Variants in TRDN observed in about 807,000 individuals in gnomAD.
TRDN encodes triadin.
Under a neutral mutation model 149.7 loss-of-function variants are expected in TRDN, and 161 were observed. The ratio of observed to expected loss-of-function variants is 1.08; its 90% CI spans 0.95 to 1.23. The LOEUF is 1.23. Ranked by LOEUF, TRDN falls within the 50% of genes most tolerant of loss-of-function variation. The pLI is 0.00. For missense variants in TRDN, 896 were observed against 823.5 expected (o/e 1.09, Z -1.08); for synonymous variants, 294 against 250.5 (o/e 1.17, Z -1.64).
At chr6:123,344,537 T>G (rs1222778219) in intron 21 of TRDN, among the ~76,000 whole-genome samples, 1 of 152,034 alleles carries the variant, frequency 6.6e-6, no homozygotes, top group Non-Finnish European at 1.5e-5. Context: ...ACATGTTGAC[T>G]CTTCACATTG....
At chr6:123,300,602 G>C (rs1470474377) in intron 24 of TRDN, among the ~76,000 whole-genome samples, 1 of 151,742 alleles carries the variant, frequency 6.6e-6, no homozygotes, top group Non-Finnish European at 1.5e-5. Context: ...TGACTAAATT[G>C]GCTAAGAAAT....
At chr6:123,283,440 C>T (rs566960312) in intron 24 of TRDN, among the ~76,000 whole-genome samples, 9 of 151,620 alleles carry the variant, frequency 5.9e-5, no homozygotes, top group African/African-American at 2.2e-4. Flanking sequence ...AACCCAAACC[C>T]AGCAGAAGAA....
At position 123,438,956 on chromosome 6, in the gene TRDN, T is replaced by C; in HGVS notation, c.979A>G (p.Thr327Ala). ...TTAAATTTCCTACCTTTCTTTTTTGTTTCAGAAGTAACTTTCTTCTCAGCC... is the reference window on the plus strand; with the variant it reads ...TTAAATTTCCTACCTTTCTTTTTTGCTTCAGAAGTAACTTTCTTCTCAGCC... ...KKAEKKVTSE[T>A]KKKEKEDIKK... Residue 327 changes from threonine to alanine, a missense_variant, in exon 11 of 41, where the codon ACA becomes GCA. By Grantham distance (58) the Thr-to-Ala change is moderately conservative. Transcript: ENST00000334268. 6.4e-7 allele frequency: 1 copy of C among 1,562,034 alleles called. No individual in the cohort carries two copies. The highest frequency in any genetic ancestry group is 8.7e-7 in the Non-Finnish European group (1 of 1,151,674).
chr6:123,414,226 A>G (rs1773557880), intron 12 of TRDN, among the ~76,000 whole-genome samples: 1 of 152,102 alleles, frequency 6.6e-6, no homozygotes, highest in Non-Finnish European at 1.5e-5. Flanking sequence ...GATCAAGGTT[A>G]ACCTTAAGGT....
chr6:123,514,936 G>A (rs1451345311), intron 6 of TRDN, among the ~76,000 whole-genome samples: 1 of 151,852 alleles, frequency 6.6e-6, no homozygotes, highest in Admixed American at 6.6e-5. Context: ...AGGGGTTTGG[G>A]GGCAAGGGGA....
chr6:123,242,475 G>T (rs917444173), intron 38 of TRDN, among the ~76,000 whole-genome samples: 1 of 151,958 alleles, frequency 6.6e-6, no homozygotes, highest in African/African-American at 2.4e-5. Context: ...CAAAAATAAA[G>T]ATACAGAATA....
At chr6:123,423,383 C>T (rs1014409852) in intron 12 of TRDN, among the ~76,000 whole-genome samples, 19 of 152,082 alleles carry the variant, frequency 1.2e-4, no homozygotes. Flanking sequence ...TATTTATTCA[C>T]TCTCTAAACC....
intron 12 of TRDN, among the ~76,000 whole-genome samples, chr6:123,432,741 C>T (rs569258560): frequency 8.4e-4 from 124 of 148,030 alleles, no homozygotes; most frequent in Non-Finnish European, 1.4e-3. Flanking sequence ...CTTCTGCCCT[C>T]GTAAAACAAA....
In TRDN at chr6:123,503,834, T is replaced by A. The variant is rs1778804304; in HGVS notation, c.678A>T (p.Lys226Asn). Residue 226 changes from lysine to asparagine, a missense_variant, in exon 8 of 41, where the codon AAA becomes AAT. Physicochemically the swap from Lys to Asn is moderately conservative, Grantham distance 94 (BLOSUM62 0). Coordinates refer to ENST00000334268, the MANE Select transcript of TRDN (RefSeq NM_006073.4). ...CAGCTGTTTGCTTCACTTTCTCCTG[T>A]TTTCCACCTTTCACTTCCTTTTTAG... ...EKTKKEVKGG[K>N]QEKVKQTAAK... 1.2e-6 allele frequency: 2 copies of A among 1,604,290 alleles called. No homozygotes were observed. The highest frequency in any genetic ancestry group is 2.2e-5 in the South Asian group (2 of 90,090).
At chr6:123,382,247 A>T (rs1191544946) in intron 14 of TRDN, 100 bp from the exon 15 acceptor site, 4 of 737,766 alleles carry the variant, frequency 5.4e-6, no homozygotes, top group Non-Finnish European at 8.3e-6. Flanking sequence ...AAAATTGATT[A>T]TTCAACAAAT....
chr6:123,592,542 C>A (rs1010998157), intron 1 of TRDN, among the ~76,000 whole-genome samples: 1 of 152,074 alleles, frequency 6.6e-6, no homozygotes, highest in African/African-American at 2.4e-5. Flanking sequence ...CAGTGAATTC[C>A]CTATCGGATC....
intron 1 of TRDN, among the ~76,000 whole-genome samples, chr6:123,583,750 A>C (rs1463033943): frequency 6.6e-6 from 1 of 152,112 alleles, no homozygotes; most frequent in Non-Finnish European, 1.5e-5. Context: ...GAAAGTGTCT[A>C]CCTAGACTAA....
intron 18 of TRDN, among the ~76,000 whole-genome samples, chr6:123,376,292 C>T (rs996509041): frequency 1.3e-5 from 2 of 152,108 alleles, no homozygotes; most frequent in African/African-American, 4.8e-5. Flanking sequence ...CAACTCTGAA[C>T]CAACAGGGTG....
At chr6:123,527,898 GA>G (rs1025194543) in intron 5 of TRDN, among the ~76,000 whole-genome samples, 1 of 151,386 alleles carries the variant, frequency 6.6e-6, no homozygotes, top group South Asian at 2.1e-4. Flanking sequence ...TCTTTTATGG[GA>G]AAAAATCCAA....
chr6:123,321,858 A>G (rs528986144), intron 23 of TRDN, among the ~76,000 whole-genome samples: 26 of 151,846 alleles, frequency 1.7e-4, no homozygotes, highest in Admixed American at 5.3e-4. Flanking sequence ...CCGGATAAAT[A>G]TAACTGTGAA....
At chr6:123,521,105 T>G (rs898591509) in intron 5 of TRDN, among the ~76,000 whole-genome samples, 3 of 152,182 alleles carry the variant, frequency 2.0e-5, no homozygotes, top group African/African-American at 7.2e-5. Flanking sequence ...CTGCAATTGT[T>G]TCCCAAAAAC....
intron 38 of TRDN, among the ~76,000 whole-genome samples, chr6:123,244,347 G>A (rs1776098732): frequency 2.0e-5 from 3 of 152,102 alleles, no homozygotes; most frequent in South Asian, 4.1e-4. Context: ...TAAGAGCCAT[G>A]AGAAAAGATT....
At chr6:123,356,214 A>T (rs781031494) in intron 20 of TRDN, among the ~76,000 whole-genome samples, 7 of 151,388 alleles carry the variant, frequency 4.6e-5, no homozygotes, top group Non-Finnish European at 8.9e-5. Flanking sequence ...CAGGGGGAAA[A>T]CCTTTAATTT....
Position 123,469,139 on chromosome 6 carries a change from T to C in TRDN, c.854-4156A>G, listed in dbSNP as rs139718353. 3.2e-3 allele frequency among the ~76,000 whole-genome samples: 489 copies of C among 152,346 alleles called. 2 individuals carry two copies. The highest frequency in any genetic ancestry group is 0.012 in the South Asian group (58 of 4,832). ...TATTAAAGCAATAATATTACTTATG[T>C]ATTGGTATAAGTTTCCTAGACTACT... On this transcript the variant is annotated intron_variant, in intron 9 of 40. Transcript: ENST00000334268.
Sources: allele counts gnomAD v4.1 joint callset (sites outside exome capture counted in the v4.1 genomes callset), GRCh38; gene constraint gnomAD v4.1.1; transcripts MANE v1.5; gene names NCBI Gene and HGNC (gene_info 2026-07-23, HGNC 2026-07-21).